Variants in MEI1 observed in about 807,000 individuals in gnomAD.
The protein encoded by MEI1 is meiotic double-stranded break formation protein 1.
Under a neutral mutation model 146.2 loss-of-function variants are expected in MEI1, and 103 were observed. The ratio of observed to expected loss-of-function variants is 0.70; its 90% CI spans 0.60 to 0.83. The LOEUF is 0.83. MEI1 is among the 40% of genes least tolerant of loss of function. The pLI, the probability that MEI1 is intolerant of heterozygous loss-of-function variation, is 0.00. For synonymous variants in MEI1, 652 were observed against 628.2 expected (o/e 1.04, Z -0.57); for missense variants, 1,529 against 1,533.0 (o/e 1.00, Z 0.04).
intron 11 of MEI1, among the ~76,000 whole-genome samples, chr22:41,738,853 A>T (rs949928143): frequency 4.6e-5 from 7 of 151,428 alleles, no homozygotes; most frequent in Non-Finnish European, 8.8e-5. Context: ...CTATGGTCCC[A>T]ACTACTTGGG....
At chr22:41,781,248 T>A in intron 22 of MEI1, 36 bp from the exon 23 acceptor site, 1 of 1,513,002 alleles carries the variant, frequency 6.6e-7, no homozygotes, top group Non-Finnish European at 9.1e-7. Context: ...GTGAGTGTTT[T>A]GCGACAGGCC....
intron 20 of MEI1, among the ~76,000 whole-genome samples, chr22:41,771,645 C>T (rs2075189790): frequency 6.6e-6 from 1 of 151,888 alleles, no homozygotes; most frequent in Admixed American, 6.6e-5. Flanking sequence ...CACCAGGTTG[C>T]CCAGGCTGTC....
chr22:41,758,272 G>T, intron 17 of MEI1, 93 bp from the exon 18 acceptor site: 2 of 1,239,642 alleles, frequency 1.6e-6, no homozygotes, highest in South Asian at 2.8e-5. Context: ...TTGCTGCCCT[G>T]TGCAGTACTC....
intron 7 of MEI1, among the ~76,000 whole-genome samples, chr22:41,729,189 C>G (rs1378279150): frequency 8.2e-6 from 1 of 121,912 alleles, no homozygotes; most frequent in East Asian, 2.6e-4. Context: ...AAAAAGGTAC[C>G]AGGCATGGTA....
chr22:41,707,471 C>T (rs1162419625), intron 3 of MEI1, among the ~76,000 whole-genome samples: 1 of 152,020 alleles, frequency 6.6e-6, no homozygotes, highest in Non-Finnish European at 1.5e-5. Flanking sequence ...AGGCTGGATT[C>T]GGCTGCTGTC....
At chr22:41,754,083 G>A (rs771307019) in intron 17 of MEI1, 37 bp downstream of exon 17, 2 of 1,488,866 alleles carry the variant, frequency 1.3e-6, no homozygotes, top group Non-Finnish European at 1.9e-6. Context: ...TGTGGCCTGT[G>A]CTGGTCTTTA....
At chr22:41,753,678 C>T (rs960246682) in intron 16 of MEI1, 27 of 259,974 alleles carry the variant, frequency 1.0e-4, no homozygotes, top group African/African-American at 6.0e-4. Context: ...AGGGTTTCAC[C>T]ATGTTGGTCA....
intron 26 of MEI1, among the ~76,000 whole-genome samples, chr22:41,792,387 C>T (rs1488820657): frequency 1.3e-5 from 2 of 152,208 alleles, no homozygotes; most frequent in African/African-American, 4.8e-5. Context: ...AGCCCCTGCC[C>T]AGCCTCTGAC....
chr22:41,723,179 A>G (rs914883228), intron 6 of MEI1, among the ~76,000 whole-genome samples: 12 of 150,878 alleles, frequency 8.0e-5, no homozygotes, highest in Non-Finnish European at 1.5e-4. Context: ...TCTCATTTAC[A>G]TCATTTATCA....
intron 9 of MEI1, among the ~76,000 whole-genome samples, chr22:41,731,653 G>T (rs754832208): frequency 6.6e-6 from 1 of 152,068 alleles, no homozygotes; most frequent in Non-Finnish European, 1.5e-5. Context: ...TGCACTGTCT[G>T]GGACTTATTA....
chr22:41,748,140 A>T lies in MEI1; in HGVS notation c.1714A>T (p.Met572Leu). Residue 572 changes from methionine (M) to leucine (L), a missense_variant, in exon 15 of 31, where the codon ATG (methionine) becomes TTG (leucine). Around this residue, in one of 3 missense-constraint regions of MEI1, gnomAD observed 1,212 missense variants for 1,178.9 expected, o/e 1.03. Transcript: ENST00000401548. ...GGAGCAGACCACCCACCCAGCTTTG[A>T]TGGAAGTTTTCCTCTCAATTCTACA... ...HLEQTTHPALMEVFLSILHNL... is the reference protein window; with the variant it reads ...HLEQTTHPALLEVFLSILHNL... 1 of 1,613,892 alleles carries T rather than the reference A, an allele frequency of 6.2e-7. No individual in the cohort carries two copies. The highest frequency in any genetic ancestry group is 8.5e-7 in the Non-Finnish European group (1 of 1,179,862).
At chr22:41,783,478 G>A (rs1033238169) in intron 24 of MEI1, among the ~76,000 whole-genome samples, 3 of 152,148 alleles carry the variant, frequency 2.0e-5, no homozygotes, top group African/African-American at 7.2e-5. Flanking sequence ...TTTTAGTAGA[G>A]ACGGGGTTTC....
At position 41,699,709 on chromosome 22, in the gene MEI1, G is replaced by T. The variant is rs760024007; in HGVS notation, c.171G>T (p.Val57=). The T allele has an allele frequency of 1.3e-6, 2 of 1,567,596 alleles. No individual in the cohort carries two copies. Among genetic ancestry groups the T allele is most frequent in the Admixed American group, 3.8e-5 (2 of 52,438 alleles). The change falls in exon 1 of 31, where the codon GTG becomes GTT. Residue 57 remains valine, a synonymous_variant. Coordinates refer to ENST00000401548, the MANE Select transcript of MEI1 (RefSeq NM_152513.4). ...TGGAGCTGCTGCCGGACCCCGGCGT[G>T]TCGGTGCGGGCGGAACCTTTTCTTC... ...CALELLPDPG[V]SLVRKKHMLS...
At chr22:41,713,918 G>C (rs566878638) in intron 3 of MEI1, 84 bp from the exon 4 acceptor site, 2 of 1,108,560 alleles carry the variant, frequency 1.8e-6, no homozygotes, top group Admixed American at 4.0e-5. Flanking sequence ...TCACTATCCT[G>C]CACTGATTGA....
chr22:41,749,066 AG>A (rs1159672640), intron 15 of MEI1, among the ~76,000 whole-genome samples: 1 of 152,126 alleles, frequency 6.6e-6, no homozygotes, highest in Non-Finnish European at 1.5e-5. Flanking sequence ...GGCCTCCCAA[AG>A]TGCTGGGATT....
At chr22:41,778,379 T>C (rs2075577741) in intron 21 of MEI1, among the ~76,000 whole-genome samples, 1 of 152,232 alleles carries the variant, frequency 6.6e-6, no homozygotes, top group South Asian at 2.1e-4. Flanking sequence ...TTTCTGGCTG[T>C]GGGACCTTGG....
intron 18 of MEI1, 79 bp from the exon 19 acceptor site, chr22:41,763,095 G>T: frequency 6.6e-7 from 1 of 1,518,602 alleles, no homozygotes; most frequent in Non-Finnish European, 9.0e-7. Context: ...GGCTGAGGAA[G>T]GATGCGGCCA....
intron 6 of MEI1, among the ~76,000 whole-genome samples, chr22:41,720,539 T>C (rs977146236): frequency 4.0e-5 from 6 of 151,328 alleles, no homozygotes; most frequent in Non-Finnish European, 5.9e-5. Context: ...TAAATGATCT[T>C]CCCACCTCAG....
At chr22:41,756,098 A>G (rs1601951379) in intron 17 of MEI1, among the ~76,000 whole-genome samples, 1 of 152,296 alleles carries the variant, frequency 6.6e-6, no homozygotes, top group African/African-American at 2.4e-5. Context: ...TCCATGGTGA[A>G]ATGTGGAACA....
Sources: allele counts gnomAD v4.1 joint callset (sites outside exome capture counted in the v4.1 genomes callset), GRCh38; gene constraint gnomAD v4.1.1; regional missense constraint gnomAD v4.1.1; transcripts MANE v1.5; gene names NCBI Gene and HGNC (gene_info 2026-07-23, HGNC 2026-07-21).